Variants in MYT1L observed in about 807,000 individuals in gnomAD.
MYT1L encodes myelin transcription factor 1 like, also known as myelin transcription factor 1-like protein.
Under a neutral mutation model 126.7 loss-of-function variants are expected in MYT1L, and 12 were observed. The ratio of observed to expected loss-of-function variants is 0.09; its 90% CI spans 0.06 to 0.15. The LOEUF (loss-of-function observed/expected upper bound fraction) is 0.15, where lower values mean the gene tolerates loss of function less well. Among genes scored for constraint, MYT1L ranks in the 10% least tolerant of loss-of-function variants. The pLI is 1.00. For synonymous variants in MYT1L, 541 were observed against 604.2 expected, an observed-to-expected ratio of 0.90 and a Z score of 1.53; for missense variants, 979 against 1,585.2, an observed-to-expected ratio of 0.62 and a Z score of 6.49.
chr2:1,968,299 T>C (rs1167268583), intron 8 of MYT1L, among the ~76,000 whole-genome samples: 2 of 152,130 alleles, frequency 1.3e-5, no homozygotes, highest in East Asian at 3.9e-4. Context: ...GCGTCTGCAC[T>C]TCATTCAGAA....
intron 4 of MYT1L, among the ~76,000 whole-genome samples, chr2:2,043,973 CA>C (rs1384669816): frequency 6.6e-6 from 1 of 152,036 alleles, no homozygotes; most frequent in Non-Finnish European, 1.5e-5. Context: ...ATCAAACAGA[CA>C]TTTGTTTTTT....
intron 1 of MYT1L, among the ~76,000 whole-genome samples, chr2:2,285,533 A>G (rs2095507512): frequency 6.6e-6 from 1 of 152,218 alleles, no homozygotes; most frequent in Admixed American, 6.5e-5. Context: ...AAAATGAAAC[A>G]TGAAATTCTT....
chr2:1,813,408 T>A (rs2037022488), intron 21 of MYT1L, among the ~76,000 whole-genome samples: 3 of 151,828 alleles, frequency 2.0e-5, no homozygotes. Flanking sequence ...TTGCCCCCAC[T>A]CCCCCAGGAG....
intron 21 of MYT1L, among the ~76,000 whole-genome samples, chr2:1,831,565 G>A (rs1434494618): frequency 6.6e-6 from 1 of 152,102 alleles, no homozygotes; most frequent in Non-Finnish European, 1.5e-5. Flanking sequence ...TCTCAGTCTG[G>A]TTTTGGTGCC....
chr2:2,067,605 T>A (rs1036005120), intron 3 of MYT1L, among the ~76,000 whole-genome samples: 4 of 152,076 alleles, frequency 2.6e-5, no homozygotes, highest in Non-Finnish European at 4.4e-5. Flanking sequence ...AAACTCTTCC[T>A]AGAAAACATA....
In MYT1L at chr2:2,202,631, T is replaced by C. The variant is rs1229576894; in HGVS notation, c.-420-29643A>G. On this transcript the variant is annotated intron_variant, in intron 2 of 24. Coordinates refer to ENST00000647738, the MANE Select transcript of MYT1L (RefSeq NM_001303052.2). ...GCTCTGAAATTGAGGCAATAATTAA[T>C]AGCTTACCAACCAAAAAATGTTCAG... 2.0e-5 allele frequency among the ~76,000 whole-genome samples: 3 copies of C among 152,274 alleles called. No individual in the cohort carries two copies. The South Asian group carries it at 6.2e-4, about 32-fold the overall frequency.
intron 2 of MYT1L, among the ~76,000 whole-genome samples, chr2:2,282,957 C>T (rs1420758918): frequency 6.6e-6 from 1 of 152,090 alleles, no homozygotes; most frequent in Non-Finnish European, 1.5e-5. Flanking sequence ...TGCCAGTAAC[C>T]CTAGCCACTT....
intron 21 of MYT1L, among the ~76,000 whole-genome samples, chr2:1,815,965 C>T (rs997453594): frequency 3.3e-5 from 5 of 152,138 alleles, no homozygotes; most frequent in African/African-American, 7.2e-5. Context: ...ACCAATGGAA[C>T]GCCCCATGGC....
chr2:2,265,301 C>A (rs1262496441), intron 2 of MYT1L, among the ~76,000 whole-genome samples: 1 of 151,906 alleles, frequency 6.6e-6, no homozygotes. Flanking sequence ...AGCCACCGCG[C>A]CTGGCCCATC....
intron 3 of MYT1L, among the ~76,000 whole-genome samples, chr2:2,090,030 TC>T (rs1174684004): frequency 6.6e-6 from 1 of 152,164 alleles, no homozygotes; most frequent in African/African-American, 2.4e-5. Flanking sequence ...TTCAAGCTTG[TC>T]CCCATCCCAT....
At chr2:2,260,058 C>G (rs931799783) in intron 2 of MYT1L, among the ~76,000 whole-genome samples, 13 of 152,178 alleles carry the variant, frequency 8.5e-5, no homozygotes, top group African/African-American at 2.7e-4. Context: ...GCCTGGCTCC[C>G]TCTAAACAAG....
intron 3 of MYT1L, among the ~76,000 whole-genome samples, chr2:2,104,068 A>G (rs1204999734): frequency 6.6e-6 from 1 of 152,228 alleles, no homozygotes; most frequent in Non-Finnish European, 1.5e-5. Flanking sequence ...ATACAGACTG[A>G]AAGTCACTAA....
intron 8 of MYT1L, among the ~76,000 whole-genome samples, chr2:1,978,689 C>T (rs935872056): frequency 3.3e-5 from 5 of 152,130 alleles, no homozygotes; most frequent in African/African-American, 4.8e-5. Flanking sequence ...ACCCTGCAGC[C>T]GTCCAGATGT....
chr2:1,927,256 C>T (rs1030137814), intron 9 of MYT1L, among the ~76,000 whole-genome samples: 6 of 152,140 alleles, frequency 3.9e-5, no homozygotes, highest in African/African-American at 1.4e-4. Flanking sequence ...TCCTATCAGC[C>T]AGTTATTCTA....
chr2:1,907,601 A>G (rs2051261474), intron 13 of MYT1L, among the ~76,000 whole-genome samples: 1 of 152,240 alleles, frequency 6.6e-6, no homozygotes, highest in Admixed American at 6.5e-5. Context: ...ACCCTGACAG[A>G]GGCTGCAAGT....
At chr2:1,915,191 G>C (rs1307321575) in intron 11 of MYT1L, among the ~76,000 whole-genome samples, 1 of 152,188 alleles carries the variant, frequency 6.6e-6, no homozygotes, top group Non-Finnish European at 1.5e-5. Context: ...ATGATGATTA[G>C]GGGAAACTAG....
chr2:1,992,499 G>A (rs777302748), intron 5 of MYT1L, among the ~76,000 whole-genome samples: 6 of 152,106 alleles, frequency 3.9e-5, no homozygotes, highest in Non-Finnish European at 5.9e-5. Flanking sequence ...CCTTCTGTCC[G>A]GGAATTCTCG....
chr2:2,289,392 T>G (rs1056934155), intron 1 of MYT1L, among the ~76,000 whole-genome samples: 2 of 152,250 alleles, frequency 1.3e-5, no homozygotes, highest in African/African-American at 4.8e-5. Context: ...TTAAAAACAA[T>G]TTTTAATTTG....
At chr2:1,895,230 T>C (rs2049424741) in intron 14 of MYT1L, among the ~76,000 whole-genome samples, 1 of 152,176 alleles carries the variant, frequency 6.6e-6, no homozygotes, top group African/African-American at 2.4e-5. Context: ...TGGAAAAATG[T>C]CTCATGTTCA....
Sources: allele counts gnomAD v4.1 joint callset (sites outside exome capture counted in the v4.1 genomes callset), GRCh38; gene constraint gnomAD v4.1.1; transcripts MANE v1.5; gene names NCBI Gene and HGNC (gene_info 2026-07-23, HGNC 2026-07-21).